The following CYP19A1 variants were observed in gnomAD, a reference collection of about 807,000 sequenced individuals.
The protein encoded by CYP19A1 is cytochrome P450 family 19 subfamily A member 1.
A neutral mutation model predicts 44.4 loss-of-function variants in CYP19A1; 32 were observed. That is an observed-to-expected ratio of 0.72 (90% CI 0.54 to 0.97). The LOEUF (loss-of-function observed/expected upper bound fraction) is 0.97. CYP19A1 is among the 50% of genes least tolerant of loss of function. The pLI, the probability that CYP19A1 is intolerant of heterozygous loss-of-function variation, is 0.00. For missense variants in CYP19A1, 598 were observed against 637.8 expected (o/e 0.94, Z 0.67); for synonymous variants, 212 against 215.6 (o/e 0.98, Z 0.14).
chr15:51,256,180 C>G (rs1428262545), intron 1 of CYP19A1, among the ~76,000 whole-genome samples: 1 of 152,218 alleles, frequency 6.6e-6, no homozygotes, highest in Non-Finnish European at 1.5e-5. Context: ...CTCTAGAGAG[C>G]CTGCTCTTCA....
chr15:51,232,141 A>T (rs1416275450), intron 3 of CYP19A1, among the ~76,000 whole-genome samples: 1 of 152,188 alleles, frequency 6.6e-6, no homozygotes, highest in Non-Finnish European at 1.5e-5. Context: ...TCTTTATGGC[A>T]AACTCCTTGG....
At chr15:51,299,008 G>A (rs188707732) in intron 1 of CYP19A1, among the ~76,000 whole-genome samples, 39 of 152,304 alleles carry the variant, frequency 2.6e-4, no homozygotes, top group African/African-American at 9.1e-4. Flanking sequence ...CCACCCCCAT[G>A]CTCCATGAAG....
chr15:51,270,067 C>T (rs28496983), intron 1 of CYP19A1, among the ~76,000 whole-genome samples: 333 of 152,270 alleles, frequency 2.2e-3, no homozygotes, highest in African/African-American at 7.9e-3. Flanking sequence ...TATCCACGAA[C>T]GTGATATATC....
intron 1 of CYP19A1, among the ~76,000 whole-genome samples, chr15:51,297,788 G>A (rs1257901856): frequency 7.0e-6 from 1 of 142,630 alleles, no homozygotes; most frequent in Non-Finnish European, 1.5e-5. Context: ...CTGTTCATTG[G>A]TGTTTCTGGA....
chr15:51,297,731 C>G (rs564212403), intron 1 of CYP19A1, among the ~76,000 whole-genome samples: 1 of 151,668 alleles, frequency 6.6e-6, no homozygotes, highest in East Asian at 1.9e-4. Flanking sequence ...TCCCAAATCT[C>G]CTATATTGGC....
chr15:51,275,541 T>A (rs112769794), intron 1 of CYP19A1, among the ~76,000 whole-genome samples: 1 of 152,230 alleles, frequency 6.6e-6, no homozygotes, highest in Admixed American at 6.5e-5. Flanking sequence ...AGGTAACATC[T>A]GGCAAACTGC....
chr15:51,239,148 C>T (rs775869064), intron 2 of CYP19A1, among the ~76,000 whole-genome samples: 2 of 152,166 alleles, frequency 1.3e-5, no homozygotes, highest in Admixed American at 1.3e-4. Context: ...TTTGGGAATG[C>T]TTATCTAGGC....
intron 3 of CYP19A1, among the ~76,000 whole-genome samples, chr15:51,233,550 T>G (rs1208394811): frequency 6.6e-6 from 1 of 152,206 alleles, no homozygotes; most frequent in African/African-American, 2.4e-5. Flanking sequence ...AATCATTCAG[T>G]GCTTAGTATA....
chr15:51,297,947 G>A (rs1880874378), intron 1 of CYP19A1, among the ~76,000 whole-genome samples: 2 of 151,926 alleles, frequency 1.3e-5, no homozygotes, highest in Non-Finnish European at 2.9e-5. Context: ...CATTAGGAGA[G>A]GATTTAGGCT....
At chr15:51,329,042 T>C (rs1040090105) in intron 1 of CYP19A1, among the ~76,000 whole-genome samples, 1 of 152,216 alleles carries the variant, frequency 6.6e-6, no homozygotes, top group African/African-American at 2.4e-5. Context: ...CTGCAGACTT[T>C]GGGATTTGTC....
intron 1 of CYP19A1, among the ~76,000 whole-genome samples, chr15:51,271,622 G>C (rs534606899): frequency 4.6e-5 from 7 of 152,146 alleles, no homozygotes; most frequent in African/African-American, 1.4e-4. Context: ...TAGTTCTAGG[G>C]ATCCCACCAT....
At chr15:51,313,728 C>T (rs555864357) in intron 1 of CYP19A1, among the ~76,000 whole-genome samples, 33 of 152,102 alleles carry the variant, frequency 2.2e-4, no homozygotes, top group East Asian at 5.8e-4. Flanking sequence ...ACCTGGGAGG[C>T]GGAGGTTGCA....
chr15:51,321,037 T>C (rs2036518642), intron 1 of CYP19A1: 1 of 152,268 alleles, frequency 6.6e-6, no homozygotes, highest in Admixed American at 6.5e-5. Context: ...TGGAACCCAA[T>C]GGGTGGGTTC....
At position 51,320,648 on chromosome 15, in the gene CYP19A1, C is replaced by G. The variant is rs193209429; in HGVS notation, c.-39+17847G>C. Among the ~76,000 whole-genome samples, 209 of 152,300 alleles carry G rather than the reference C, an allele frequency of 1.4e-3. 2 individuals carry two copies. The highest frequency in any genetic ancestry group is 4.6e-3 in the African/African-American group (192 of 41,572). ...GATCTCTCCTTTTTCCTTAACCCCACTTCTCAGGTCCTCCTCTCAGCCCTG... is the reference window on the plus strand; with the variant it reads ...GATCTCTCCTTTTTCCTTAACCCCAGTTCTCAGGTCCTCCTCTCAGCCCTG... On this transcript the variant is annotated intron_variant, in intron 1 of 9. Transcript: ENST00000396402.
chr15:51,210,514 C>A lies in CYP19A1; in HGVS notation c.*294G>T. On this transcript the variant is annotated 3_prime_UTR_variant, in exon 10 of 10. Transcript: ENST00000396402. Reference sequence around the variant, plus strand: ...TACATTTTGTTAATGAAGGCCTATCCTTCTCAAAGCACATTTGGTGGAATC... The same window carrying A: ...TACATTTTGTTAATGAAGGCCTATCATTCTCAAAGCACATTTGGTGGAATC... The A allele has an allele frequency of 1.8e-6, 1 of 570,632 alleles. No homozygotes were observed. The highest frequency in any genetic ancestry group is 3.3e-6 in the Non-Finnish European group (1 of 299,774). 35.3% of individuals were successfully genotyped at this position (570,632 alleles called of 1,614,324 possible).
At chr15:51,329,754 T>C (rs1196786103) in intron 1 of CYP19A1, among the ~76,000 whole-genome samples, 1 of 152,200 alleles carries the variant, frequency 6.6e-6, no homozygotes, top group Non-Finnish European at 1.5e-5. Flanking sequence ...CATTCAAAAA[T>C]GTATTGAACA....
chr15:51,295,521 A>C (rs980955115), intron 1 of CYP19A1, among the ~76,000 whole-genome samples: 4 of 152,204 alleles, frequency 2.6e-5, no homozygotes, highest in African/African-American at 9.7e-5. Flanking sequence ...CTAACACCCT[A>C]GTCCTCAAAA....
At chr15:51,224,863 A>G (rs1870773723) in intron 4 of CYP19A1, among the ~76,000 whole-genome samples, 1 of 152,174 alleles carries the variant, frequency 6.6e-6, no homozygotes, top group South Asian at 2.1e-4. Flanking sequence ...AGGCACAAGG[A>G]CTTACCGACA....
At chr15:51,241,539 C>T (rs7173595) in intron 2 of CYP19A1, among the ~76,000 whole-genome samples, 104,444 of 151,784 alleles carry the variant, frequency 0.69, 36,190 homozygotes, top group African/African-American at 0.78. Context: ...AAAAAAGGCT[C>T]TCCACCCCCA....
Sources: allele counts gnomAD v4.1 joint callset (sites outside exome capture counted in the v4.1 genomes callset), GRCh38; gene constraint gnomAD v4.1.1; transcripts MANE v1.5; gene names NCBI Gene and HGNC (gene_info 2026-07-23, HGNC 2026-07-21).